The following MARK1 variants were observed in gnomAD, a reference collection of about 807,000 sequenced individuals.
MARK1 encodes microtubule affinity regulating kinase 1.
Under a neutral mutation model 96.3 loss-of-function variants are expected in MARK1, and 40 were observed. The ratio of observed to expected loss-of-function variants is 0.42; its 90% CI spans 0.32 to 0.54. The LOEUF (loss-of-function observed/expected upper bound fraction) is 0.54, where lower values mean the gene tolerates loss of function less well. Among genes scored for constraint, MARK1 ranks in the 20% least tolerant of loss-of-function variants. The probability of loss-of-function intolerance (pLI) is 0.16; values close to 1 mark genes in which losing one functional copy is unlikely to be tolerated. For missense variants in MARK1, 719 were observed against 984.6 expected (o/e 0.73, Z 3.61); for synonymous variants, 317 against 341.2 (o/e 0.93, Z 0.78).
At chr1:220,546,315 C>G (rs1020895340) in intron 1 of MARK1, among the ~76,000 whole-genome samples, 3 of 152,188 alleles carry the variant, frequency 2.0e-5, no homozygotes, top group African/African-American at 7.2e-5. Context: ...AAACCCCACA[C>G]ATTTTTCACT....
At chr1:220,567,715 T>C (rs1663154057) in intron 1 of MARK1, among the ~76,000 whole-genome samples, 1 of 152,194 alleles carries the variant, frequency 6.6e-6, no homozygotes, top group African/African-American at 2.4e-5. Context: ...TGCTCTCTTT[T>C]GTATAGTTCT....
chr1:220,612,324 T>C (rs1311306262), intron 6 of MARK1, among the ~76,000 whole-genome samples: 2 of 152,180 alleles, frequency 1.3e-5, no homozygotes, highest in African/African-American at 2.4e-5. Flanking sequence ...GGTTGGGACA[T>C]AGGTATTTTA....
At chr1:220,585,065 A>G (rs1173958168) in intron 3 of MARK1, among the ~76,000 whole-genome samples, 3 of 152,210 alleles carry the variant, frequency 2.0e-5, no homozygotes, top group Non-Finnish European at 2.9e-5. Flanking sequence ...TGTAGACTGC[A>G]TAAGTTATCT....
Position 220,635,915 on chromosome 1 carries a change from G to T in MARK1, c.1359G>T (p.Trp453Cys). Residue 453 changes from tryptophan (W) to cysteine (C), a missense_variant, in exon 13 of 18, where the codon TGG (tryptophan) becomes TGT (cysteine). Around this residue, in one of 4 missense-constraint regions of MARK1, gnomAD observed 501 missense variants for 588.3 expected, o/e 0.85. Coordinates refer to ENST00000366917, the MANE Select transcript of MARK1 (RefSeq NM_018650.5). ...TGGAAAGTGAACAGAAAGAGGAGTG[G>T]GACAAAGATGTGGCTCGAAAACTTG... ...NSVESEQKEE[W>C]DKDVARKLGS... 1 of 1,613,898 alleles carries T rather than the reference G, an allele frequency of 6.2e-7. No homozygotes were observed. Among genetic ancestry groups the T allele is most frequent in the Non-Finnish European group, 8.5e-7 (1 of 1,179,956 alleles).
chr1:220,616,019 T>TAAAAAAA, intron 7 of MARK1, 24 bp downstream of exon 7: 1 of 1,153,010 alleles, frequency 8.7e-7, no homozygotes, highest in Non-Finnish European at 1.2e-6. Flanking sequence ...TGTAATTTTT[T>TAAAAAAA]TAAAAAAAAA....
chr1:220,600,603 G>A (rs1252132984), intron 5 of MARK1, among the ~76,000 whole-genome samples: 1 of 152,072 alleles, frequency 6.6e-6, no homozygotes, highest in East Asian at 1.9e-4. Context: ...GAAAATTTAT[G>A]GAATTAATCA....
In MARK1 at chr1:220,663,976, T is replaced by C. The variant is rs1304155862; in HGVS notation, c.*1810T>C. The C allele has an allele frequency of 6.6e-6, 1 of 152,620 alleles. No homozygotes were observed. Among genetic ancestry groups the C allele is most frequent in the Non-Finnish European group, 1.5e-5 (1 of 68,028 alleles). The allele number at this position is 152,620 out of a possible 1,614,324, so 9.5% of individuals were successfully genotyped here. On this transcript the variant is annotated 3_prime_UTR_variant, in exon 18 of 18. Coordinates refer to ENST00000366917, the MANE Select transcript of MARK1 (RefSeq NM_018650.5). The stretch of plus-strand genomic sequence containing the variant: ...TTTTCTGGTACAAAAGTATTCTGTA[T>C]GAGGAGTTTATTGTATGTGTTCTAA...
chr1:220,583,688 G>T (rs1572124057), intron 3 of MARK1, among the ~76,000 whole-genome samples: 1 of 148,362 alleles, frequency 6.7e-6, no homozygotes. Flanking sequence ...TTGCTCTGTT[G>T]CCCAGGCTGG....
chr1:220,658,789 GTGC>G (rs1669313765), intron 17 of MARK1, among the ~76,000 whole-genome samples: 3 of 152,142 alleles, frequency 2.0e-5, no homozygotes, highest in Non-Finnish European at 2.9e-5. Flanking sequence ...TTAACAAACT[GTGC>G]TATATTTACA....
intron 5 of MARK1, among the ~76,000 whole-genome samples, chr1:220,602,566 T>C (rs1317645728): frequency 6.6e-6 from 1 of 152,130 alleles, no homozygotes; most frequent in East Asian, 1.9e-4. Context: ...CTCTTGTATA[T>C]ATCTTTCCTA....
At chr1:220,597,867 A>G (rs892699670) in intron 3 of MARK1, among the ~76,000 whole-genome samples, 5 of 152,224 alleles carry the variant, frequency 3.3e-5, no homozygotes, top group African/African-American at 1.2e-4. Context: ...AAATCTACCT[A>G]AAAACCTTAC....
chr1:220,602,211 T>A (rs750263222), intron 5 of MARK1, among the ~76,000 whole-genome samples: 2 of 152,200 alleles, frequency 1.3e-5, no homozygotes, highest in Non-Finnish European at 2.9e-5. Flanking sequence ...AAATTTTCAG[T>A]GATTAGAAAA....
intron 1 of MARK1, 54 bp downstream of exon 1, chr1:220,528,927 C>T: frequency 1.3e-6 from 2 of 1,486,766 alleles, no homozygotes; most frequent in Non-Finnish European, 1.8e-6. Context: ...CTCCTCTGAT[C>T]CCCACTTCAC....
At chr1:220,595,535 T>G (rs529910005) in intron 3 of MARK1, among the ~76,000 whole-genome samples, 92 of 152,246 alleles carry the variant, frequency 6.0e-4, no homozygotes, top group African/African-American at 2.1e-3. Flanking sequence ...AGCACAAAGG[T>G]AGAGCAGACG....
At chr1:220,552,986 A>G (rs1449167113) in intron 1 of MARK1, among the ~76,000 whole-genome samples, 2 of 152,216 alleles carry the variant, frequency 1.3e-5, no homozygotes, top group African/African-American at 2.4e-5. Flanking sequence ...CATCCCTGCC[A>G]TCATGGCTAC....
intron 3 of MARK1, among the ~76,000 whole-genome samples, chr1:220,591,298 G>A (rs1399614907): frequency 1.3e-5 from 2 of 152,202 alleles, no homozygotes; most frequent in Non-Finnish European, 2.9e-5. Context: ...ACATGGAGCT[G>A]CCAGGAAACA....
At chr1:220,617,952 T>A (rs1487109599) in intron 7 of MARK1, among the ~76,000 whole-genome samples, 1 of 152,190 alleles carries the variant, frequency 6.6e-6, no homozygotes, top group Non-Finnish European at 1.5e-5. Flanking sequence ...GATGGATTCG[T>A]ATTATGTTCT....
chr1:220,586,197 C>T (rs1664617073), intron 3 of MARK1, among the ~76,000 whole-genome samples: 1 of 152,108 alleles, frequency 6.6e-6, no homozygotes, highest in Admixed American at 6.5e-5. Context: ...CCTTTTCCAC[C>T]TCATGGACCA....
chr1:220,614,188 T>C (rs1163028427), intron 6 of MARK1, among the ~76,000 whole-genome samples: 1 of 152,082 alleles, frequency 6.6e-6, no homozygotes, highest in East Asian at 1.9e-4. Context: ...TTTTATTTTT[T>C]GTAGAGACGG....
Sources: allele counts gnomAD v4.1 joint callset (sites outside exome capture counted in the v4.1 genomes callset), GRCh38; gene constraint gnomAD v4.1.1; regional missense constraint gnomAD v4.1.1; transcripts MANE v1.5; gene names NCBI Gene and HGNC (gene_info 2026-07-23, HGNC 2026-07-21).